ALPK2: variants seen among roughly 807,000 people sequenced by gnomAD.
ALPK2 encodes alpha-protein kinase 2.
ALPK2 carries 127 observed loss-of-function variants against 163.1 expected under a neutral mutation model. That is an observed-to-expected ratio of 0.78 (90% CI 0.67 to 0.90). ALPK2 has a LOEUF of 0.90. Among genes scored for constraint, ALPK2 ranks in the 40% least tolerant of loss-of-function variants. The pLI, the probability that ALPK2 is intolerant of heterozygous loss-of-function variation, is 0.00. For missense variants in ALPK2, 2,360 were observed against 2,589.6 expected (o/e 0.91, Z 1.92); for synonymous variants, 953 against 959.1 (o/e 0.99, Z 0.12).
At position 58,607,339 on chromosome 18, in the gene ALPK2, A is replaced by G. The variant is rs751380578; in HGVS notation, c.210T>C (p.His70=). ...CCACTTACCAAGAGAGATGTAACAC[A>G]TGAATATACTGATTCTCAAAGAATT... ...NYEFFENQYI[H]VLHLSCCTKN... Residue 70 remains histidine (H), a synonymous_variant, in exon 3 of 13, where the codon CAT becomes CAC. Transcript: ENST00000361673. 3 of 1,612,452 alleles carry G rather than the reference A, an allele frequency of 1.9e-6. No individual in the cohort carries two copies. Among genetic ancestry groups the G allele is most frequent in the East Asian group, 4.5e-5 (2 of 44,872 alleles).
At position 58,559,417 on chromosome 18, in the gene ALPK2, C is replaced by A. The variant is rs577352248; in HGVS notation, c.1962+19397G>T. Among the ~76,000 whole-genome samples the A allele has an allele frequency of 3.9e-5, 6 of 152,202 alleles. No individual in the cohort carries two copies. The South Asian group carries it at 1.0e-3, about 26-fold the overall frequency. On this transcript the variant is annotated intron_variant, in intron 4 of 12. Coordinates refer to ENST00000361673, the MANE Select transcript of ALPK2 (RefSeq NM_052947.4). ...CCTGCCCCAGCTACAACATCCTTTGCCCCAGCTACAACATCCTTTGCTCCA... is the reference window on the plus strand; with the variant it reads ...CCTGCCCCAGCTACAACATCCTTTGACCCAGCTACAACATCCTTTGCTCCA...
intron 3 of ALPK2, among the ~76,000 whole-genome samples, chr18:58,595,200 G>A (rs559058788): frequency 7.9e-5 from 12 of 152,230 alleles, no homozygotes; most frequent in East Asian, 3.9e-4. Context: ...CCTTCCCACC[G>A]TCATGCGCCT....
At chr18:58,607,180 T>C (rs574605881) in intron 3 of ALPK2, 142 bp downstream of exon 3, 11 of 547,886 alleles carry the variant, frequency 2.0e-5, no homozygotes, top group Non-Finnish European at 3.5e-5. Flanking sequence ...CTGGGTGCTT[T>C]GGCAGATGCC....
chr18:58,610,648 G>A (rs1199828279), intron 2 of ALPK2, among the ~76,000 whole-genome samples: 1 of 152,168 alleles, frequency 6.6e-6, no homozygotes, highest in Non-Finnish European at 1.5e-5. Flanking sequence ...CCAGTTTTAA[G>A]ATATCAATTA....
intron 12 of ALPK2, among the ~76,000 whole-genome samples, chr18:58,492,610 C>T (rs901461861): frequency 2.0e-5 from 3 of 152,202 alleles, no homozygotes; most frequent in African/African-American, 4.8e-5. Flanking sequence ...GGGGTGATCT[C>T]GAATCTACCA....
chr18:58,551,297 G>A (rs186231557), intron 4 of ALPK2, among the ~76,000 whole-genome samples: 14 of 152,276 alleles, frequency 9.2e-5, no homozygotes, highest in African/African-American at 1.2e-4. Context: ...CTCCTCTGGA[G>A]GTCCTCCCTT....
intron 12 of ALPK2, among the ~76,000 whole-genome samples, chr18:58,488,827 C>T (rs776696185): frequency 2.6e-5 from 4 of 152,018 alleles, no homozygotes; most frequent in African/African-American, 7.2e-5. Context: ...ACTTAGGCTC[C>T]GGTAGAACGG....
chr18:58,533,657 T>C (rs1347595172), intron 5 of ALPK2, among the ~76,000 whole-genome samples: 1 of 152,086 alleles, frequency 6.6e-6, no homozygotes, highest in African/African-American at 2.4e-5. Flanking sequence ...GGTTTCGCCA[T>C]GTTGCTCAGG....
At chr18:58,613,485 G>A (rs1439027937) in intron 1 of ALPK2, among the ~76,000 whole-genome samples, 1 of 151,948 alleles carries the variant, frequency 6.6e-6, no homozygotes, top group Non-Finnish European at 1.5e-5. Context: ...ACAAGGTCAG[G>A]AGTTCAAGAC....
chr18:58,583,752 A>G (rs1602229157), intron 3 of ALPK2, among the ~76,000 whole-genome samples: 1 of 126,472 alleles, frequency 7.9e-6, no homozygotes, highest in Non-Finnish European at 1.8e-5. Flanking sequence ...AAAAAAAAAA[A>G]AAGAAAGAAA....
Position 58,583,331 on chromosome 18 carries a change from C to T in ALPK2, c.228-2783G>A, listed in dbSNP as rs1223066571. Among the ~76,000 whole-genome samples the T allele has an allele frequency of 7.2e-5, 11 of 152,010 alleles. No homozygotes were observed. In the South Asian group the frequency reaches 8.3e-4, roughly 12 times the overall value. The stretch of plus-strand genomic sequence containing the variant: ...ACAAAGAGAGGAGGGTATAATGAGG[C>T]GCGTCCAACACCCTTCCTGTCATGG... On this transcript the variant is annotated intron_variant, in intron 3 of 12. Coordinates refer to ENST00000361673, the MANE Select transcript of ALPK2 (RefSeq NM_052947.4).
intron 4 of ALPK2, among the ~76,000 whole-genome samples, chr18:58,546,253 A>G (rs2051717011): frequency 1.3e-5 from 2 of 152,228 alleles, no homozygotes; most frequent in South Asian, 4.1e-4. Context: ...AGGGACAAGA[A>G]ATCCTCAGCC....
intron 4 of ALPK2, among the ~76,000 whole-genome samples, chr18:58,573,218 A>ATATGTG (rs2144189983): frequency 7.1e-6 from 1 of 140,046 alleles, no homozygotes; most frequent in African/African-American, 2.7e-5. Context: ...ATATATGTAT[A>ATATGTG]TATATGTGTA....
chr18:58,586,824 G>A (rs1200182700), intron 3 of ALPK2, among the ~76,000 whole-genome samples: 1 of 151,940 alleles, frequency 6.6e-6, no homozygotes, highest in Admixed American at 6.6e-5. Flanking sequence ...TTACAATTGG[G>A]TTAAACAATA....
chr18:58,538,069 T>G lies in ALPK2; in HGVS notation c.2118A>C (p.Gln706His), dbSNP rs1320621807. Residue 706 changes from glutamine (Q) to histidine (H), a missense_variant, in exon 5 of 13, where the codon CAA becomes CAC. Coordinates refer to ENST00000361673, the MANE Select transcript of ALPK2 (RefSeq NM_052947.4). ...AGGTACAGGGTTTGACCTCCGAGTG[T>G]TGAGCTAATGATGCATTTTCCTTGT... ...GVHKENASLA[Q>H]HSEVKPCTCG... The G allele has an allele frequency of 6.2e-7, 1 of 1,614,200 alleles. No homozygotes were observed. The highest frequency in any genetic ancestry group is 8.5e-7 in the Non-Finnish European group (1 of 1,180,026).
chr18:58,510,100 T>G (rs1201367383), intron 10 of ALPK2, among the ~76,000 whole-genome samples: 1 of 152,248 alleles, frequency 6.6e-6, no homozygotes, highest in African/African-American at 2.4e-5. Flanking sequence ...GCTTTCTGCA[T>G]GTGGCTAGCC....
At chr18:58,541,191 C>T (rs1382006978) in intron 4 of ALPK2, among the ~76,000 whole-genome samples, 2 of 152,224 alleles carry the variant, frequency 1.3e-5, no homozygotes, top group Admixed American at 1.3e-4. Context: ...AGTATGGTGG[C>T]AACTGCTTCT....
intron 6 of ALPK2, among the ~76,000 whole-genome samples, chr18:58,527,840 T>C (rs2144137238): frequency 6.6e-6 from 1 of 152,342 alleles, no homozygotes; most frequent in African/African-American, 2.4e-5. Context: ...GTGATGTTAG[T>C]AGAAATGAAA....
intron 10 of ALPK2, among the ~76,000 whole-genome samples, chr18:58,514,661 T>C (rs1236196875): frequency 6.6e-6 from 1 of 152,230 alleles, no homozygotes. Context: ...GTTTAGACAA[T>C]GTAATAGCTA....
Sources: gnomAD v4.1 joint callset for allele counts (sites outside exome capture counted in the v4.1 genomes callset) on GRCh38, gnomAD v4.1.1 for gene constraint, MANE v1.5 for transcripts, NCBI Gene and HGNC (gene_info 2026-07-23, HGNC 2026-07-21) for gene names.